The following SPECC1L variants were observed in gnomAD, a reference collection of about 807,000 sequenced individuals.
The protein encoded by SPECC1L is sperm antigen with calponin homology and coiled-coil domains 1 like, also known as cytospin-A.
SPECC1L carries 40 observed loss-of-function variants against 116.8 expected under a neutral mutation model. The ratio of observed to expected loss-of-function variants is 0.34; its 90% CI spans 0.27 to 0.45. The LOEUF (loss-of-function observed/expected upper bound fraction) is 0.45. SPECC1L is among the 20% of genes least tolerant of loss of function. The pLI, the probability that SPECC1L is intolerant of heterozygous loss-of-function variation, is 1.00. For missense variants in SPECC1L, 1,110 were observed against 1,373.6 expected (o/e 0.81, Z 3.03); for synonymous variants, 504 against 500.6 (o/e 1.01, Z -0.09).
chr22:24,330,628 TGTCA>T (rs1417840969), intron 8 of SPECC1L, among the ~76,000 whole-genome samples, 197 bp downstream of exon 8: 7 of 152,242 alleles, frequency 4.6e-5, no homozygotes, highest in African/African-American at 1.7e-4. Context: ...CTTTCAGAGT[TGTCA>T]GTATCAGTGA....
At chr22:24,271,142 GC>G (rs1041590093) in intron 1 of SPECC1L, among the ~76,000 whole-genome samples, 159 bp downstream of exon 1, 1 of 152,234 alleles carries the variant, frequency 6.6e-6, no homozygotes, top group African/African-American at 2.4e-5. Flanking sequence ...TCCCGCGCCT[GC>G]GCCTTTCCCT....
At chr22:24,333,657 A>G (rs2040985655) in intron 8 of SPECC1L, among the ~76,000 whole-genome samples, 1 of 150,942 alleles carries the variant, frequency 6.6e-6, no homozygotes, top group African/African-American at 2.4e-5. Context: ...AGCATGATGT[A>G]TTAGCTGGAG....
Position 24,414,724 on chromosome 22 carries a change from C to T in SPECC1L, c.*101C>T, listed in dbSNP as rs200205319. The T allele has an allele frequency of 6.9e-6, 7 of 1,008,684 alleles. No homozygotes were observed. Among genetic ancestry groups the T allele is most frequent in the Non-Finnish European group, 1.1e-5 (7 of 656,918 alleles). 62.5% of individuals were successfully genotyped at this position (1,008,684 alleles called of 1,614,324 possible). A position where few individuals can be genotyped will look rare whatever the true frequency, so the allele number is the denominator to read the frequency against. Reference sequence around the variant, plus strand: ...CGCACCCCTGTAAAGCTTCCAGCAACTCTGGGCTGCCCCACAGCGTGTGAG... The same window carrying T: ...CGCACCCCTGTAAAGCTTCCAGCAATTCTGGGCTGCCCCACAGCGTGTGAG... On this transcript the variant is annotated 3_prime_UTR_variant, in exon 17 of 17. Transcript: ENST00000314328.
chr22:24,358,393 ACCATTG>A, intron 11 of SPECC1L, among the ~76,000 whole-genome samples: 1 of 152,146 alleles, frequency 6.6e-6, no homozygotes, highest in East Asian at 1.9e-4. Flanking sequence ...ACAGGTGAGA[ACCATTG>A]CGCCTGGCTG....
chr22:24,289,454 A>G (rs2049115191), intron 2 of SPECC1L, among the ~76,000 whole-genome samples: 3 of 152,202 alleles, frequency 2.0e-5, no homozygotes, highest in African/African-American at 4.8e-5. Flanking sequence ...GTCTTGGCAT[A>G]AGATTAGGAC....
At chr22:24,375,806 C>T (rs2041959977) in intron 14 of SPECC1L, among the ~76,000 whole-genome samples, 2 of 152,008 alleles carry the variant, frequency 1.3e-5, no homozygotes, top group Admixed American at 6.6e-5. Context: ...AAAAACTAGC[C>T]AGGTGTAGTG....
At chr22:24,288,380 G>A (rs2049086586) in intron 2 of SPECC1L, among the ~76,000 whole-genome samples, 1 of 151,990 alleles carries the variant, frequency 6.6e-6, no homozygotes, top group Non-Finnish European at 1.5e-5. Context: ...ATGTGTACAG[G>A]AAGTGCCAAA....
chr22:24,301,342 G>T (rs934392349), intron 2 of SPECC1L, among the ~76,000 whole-genome samples: 1 of 152,190 alleles, frequency 6.6e-6, no homozygotes, highest in Non-Finnish European at 1.5e-5. Flanking sequence ...CATTTACGTG[G>T]TCTTCTTTTA....
Position 24,338,494 on chromosome 22 carries a change from A to G in SPECC1L, c.2652+17A>G. 6.2e-7 allele frequency: 1 copy of G among 1,611,404 alleles called. No individual in the cohort carries two copies. The highest frequency in any genetic ancestry group is 1.7e-5 in the Admixed American group (1 of 60,024). On this transcript the variant is annotated intron_variant, in intron 10 of 16. Coordinates refer to ENST00000314328, the MANE Select transcript of SPECC1L (RefSeq NM_015330.6). ...CCTATGCAGGTGAGTGCCTGGAACC[A>G]CAGGAGGCTCTTAGAGCCTCAGAAT...
intron 14 of SPECC1L, among the ~76,000 whole-genome samples, chr22:24,377,542 C>G (rs996314005): frequency 4.6e-5 from 7 of 152,176 alleles, no homozygotes; most frequent in Non-Finnish European, 1.0e-4. Context: ...CTTGTTACTT[C>G]TCTTTAAGCT....
chr22:24,366,680 G>A (rs904409418), intron 13 of SPECC1L, among the ~76,000 whole-genome samples: 1 of 152,172 alleles, frequency 6.6e-6, no homozygotes, highest in Admixed American at 6.5e-5. Context: ...TGCAAGAATG[G>A]ATGATATCAA....
At chr22:24,405,744 G>T (rs2042578324) in intron 14 of SPECC1L, among the ~76,000 whole-genome samples, 1 of 151,646 alleles carries the variant, frequency 6.6e-6, no homozygotes, top group Admixed American at 6.6e-5. Flanking sequence ...GGAGGCTGAT[G>T]CAGAGAATTG....
chr22:24,373,198 G>A (rs533624074), intron 14 of SPECC1L, among the ~76,000 whole-genome samples: 1 of 152,066 alleles, frequency 6.6e-6, no homozygotes, highest in South Asian at 2.1e-4. Context: ...TGGCCATACT[G>A]CCCAAGGTAA....
intron 14 of SPECC1L, among the ~76,000 whole-genome samples, chr22:24,386,592 T>G (rs1194484764): frequency 6.6e-6 from 1 of 151,346 alleles, no homozygotes; most frequent in Admixed American, 6.6e-5. Context: ...TAATTATTAT[T>G]ATTGTTATTA....
intron 10 of SPECC1L, among the ~76,000 whole-genome samples, chr22:24,342,935 A>T (rs976265831): frequency 6.6e-6 from 1 of 151,674 alleles, no homozygotes; most frequent in Non-Finnish European, 1.5e-5. Context: ...GCTCACGCCT[A>T]TAATCCCAGC....
In SPECC1L at chr22:24,386,596, G is replaced by GTTATTA. The variant is rs576690034; in HGVS notation, c.3087+17294_3087+17299dup. On this transcript the variant is annotated intron_variant, in intron 14 of 16. Transcript: ENST00000314328. ...TTTTCAGGATCTAATTATTATTATT[G>GTTATTA]TTATTATTATTATTATTATTATTTT... is the stretch of plus-strand genomic sequence containing the variant. 6.2e-4 allele frequency among the ~76,000 whole-genome samples: 93 copies of GTTATTA among 150,530 alleles called. 3 individuals carry two copies. The South Asian group carries it at 0.013, about 21-fold the overall frequency.
At chr22:24,285,256 CCTT>C (rs959740372) in intron 2 of SPECC1L, among the ~76,000 whole-genome samples, 1 of 152,144 alleles carries the variant, frequency 6.6e-6, no homozygotes, top group African/African-American at 2.4e-5. Context: ...GGAAATTTGT[CCTT>C]CTGGTTGTAG....
intron 14 of SPECC1L, 150 bp from the exon 15 acceptor site, chr22:24,411,438 C>G: frequency 2.6e-6 from 2 of 765,560 alleles, no homozygotes; most frequent in South Asian, 2.7e-5. Context: ...TCATAGATAC[C>G]AGGTAGCCCT....
chr22:24,292,335 A>T (rs923926643), intron 2 of SPECC1L, among the ~76,000 whole-genome samples: 8 of 152,166 alleles, frequency 5.3e-5, no homozygotes, highest in African/African-American at 1.9e-4. Flanking sequence ...AACCACTGAA[A>T]TAAGTTGCTG....
Sources: allele counts gnomAD v4.1 joint callset (sites outside exome capture counted in the v4.1 genomes callset), GRCh38; gene constraint gnomAD v4.1.1; transcripts MANE v1.5; gene names NCBI Gene and HGNC (gene_info 2026-07-23, HGNC 2026-07-21).